The following TIPRL variants were observed in gnomAD, a reference collection of about 807,000 sequenced individuals.
TIPRL encodes the protein TIP41-like protein.
TIPRL carries 10 observed loss-of-function variants against 32.3 expected under a neutral mutation model. The observed-to-expected ratio is 0.31, with a 90% CI of 0.19 to 0.52. The LOEUF (loss-of-function observed/expected upper bound fraction) is 0.52. TIPRL is among the 20% of genes least tolerant of loss of function. TIPRL has a pLI of 0.96. For missense variants in TIPRL, 250 were observed against 328.1 expected (o/e 0.76, Z 1.84); for synonymous variants, 100 against 114.0 (o/e 0.88, Z 0.78).
chr1:168,183,758 A>G, intron 1 of TIPRL, 144 bp from the exon 2 acceptor site: 1 of 816,148 alleles, frequency 1.2e-6, no homozygotes, highest in Non-Finnish European at 1.9e-6. Flanking sequence ...AGCATTTTAT[A>G]GACCTTGCAA....
At chr1:168,192,124 A>G in intron 4 of TIPRL, 1 of 1,325,678 alleles carries the variant, frequency 7.5e-7, no homozygotes, top group Non-Finnish European at 9.8e-7. Flanking sequence ...TAGGATCTGC[A>G]GACGGCAAGG....
Position 168,183,395 on chromosome 1 carries a change from T to G in TIPRL, c.105-507T>G, listed in dbSNP as rs561073882. On this transcript the variant is annotated intron_variant, in intron 1 of 6. Coordinates refer to ENST00000367833, the MANE Select transcript of TIPRL (RefSeq NM_152902.5). ...TCCTGTGATTTTTTTTTTTTTTTGC[T>G]TGATTGTTGCCCCAGGGTGAAATGT... 6.6e-5 allele frequency among the ~76,000 whole-genome samples: 10 copies of G among 150,764 alleles called. No individual in the cohort carries two copies. In the South Asian group the frequency reaches 2.1e-3, roughly 31 times the overall value.
chr1:168,179,012 A>T lies in TIPRL; in HGVS notation c.-66A>T. The T allele has an allele frequency of 7.1e-7, 1 of 1,409,468 alleles. No individual in the cohort carries two copies. Among genetic ancestry groups the T allele is most frequent in the Admixed American group, 1.8e-5 (1 of 54,586 alleles). The allele number at this position is 1,409,468 out of a possible 1,614,324, so 87.3% of individuals were successfully genotyped here. A position where few individuals can be genotyped will look rare whatever the true frequency, so the allele number is the denominator to read the frequency against. On this transcript the variant is annotated 5_prime_UTR_variant, in exon 1 of 7. Coordinates refer to ENST00000367833, the MANE Select transcript of TIPRL (RefSeq NM_152902.5). ...GGCTGGGCCGGAGGGAGGCGGAGGAACCGGTGTTCGCCGCCGCCGCTGCTT... is the reference window on the plus strand; with the variant it reads ...GGCTGGGCCGGAGGGAGGCGGAGGATCCGGTGTTCGCCGCCGCCGCTGCTT...
At chr1:168,193,276 T>C (rs1700119923) in intron 4 of TIPRL, among the ~76,000 whole-genome samples, 1 of 152,206 alleles carries the variant, frequency 6.6e-6, no homozygotes, top group East Asian at 1.9e-4. Context: ...AGTGAATTTT[T>C]AGAGAATCAT....
chr1:168,191,160 A>G (rs1446533998), intron 3 of TIPRL, among the ~76,000 whole-genome samples: 1 of 152,200 alleles, frequency 6.6e-6, no homozygotes, highest in Admixed American at 6.5e-5. Flanking sequence ...TGAAGCTATA[A>G]TATTGGGCAT....
chr1:168,185,069 G>T (rs563522674), intron 3 of TIPRL, among the ~76,000 whole-genome samples, 191 bp downstream of exon 3: 5 of 152,346 alleles, frequency 3.3e-5, no homozygotes, highest in African/African-American at 1.2e-4. Context: ...GACGGCATTA[G>T]TGGAAAAATT....
At position 168,179,021 on chromosome 1, in the gene TIPRL, C is replaced by T. The variant is rs1456599880; in HGVS notation, c.-57C>T. 5.4e-6 allele frequency: 8 copies of T among 1,485,294 alleles called. No homozygotes were observed. Among genetic ancestry groups the T allele is most frequent in the Admixed American group, 1.8e-5 (1 of 56,096 alleles). The allele number at this position is 1,485,294 out of a possible 1,614,324, so 92.0% of individuals were successfully genotyped here. On this transcript the variant is annotated 5_prime_UTR_variant, in exon 1 of 7. Transcript: ENST00000367833. Reference sequence around the variant, plus strand: ...GGAGGGAGGCGGAGGAACCGGTGTTCGCCGCCGCCGCTGCTTCAGCTTATT... The same window carrying T: ...GGAGGGAGGCGGAGGAACCGGTGTTTGCCGCCGCCGCTGCTTCAGCTTATT...
At chr1:168,197,300 A>T (rs1270752545) in intron 5 of TIPRL, among the ~76,000 whole-genome samples, 1 of 148,216 alleles carries the variant, frequency 6.7e-6, no homozygotes. Context: ...AAAAAAAAAA[A>T]AGAAACATAC....
chr1:168,179,514 G>A (rs188628935), intron 1 of TIPRL, among the ~76,000 whole-genome samples: 109 of 152,254 alleles, frequency 7.2e-4, no homozygotes, highest in Non-Finnish European at 1.3e-3. Context: ...GTTTTCTTAG[G>A]GGTTAATGAC....
intron 3 of TIPRL, 45 bp downstream of exon 3, chr1:168,184,923 C>A: frequency 1.6e-6 from 2 of 1,242,774 alleles, no homozygotes; most frequent in Non-Finnish European, 2.3e-6. Flanking sequence ...TTGTCTTGGA[C>A]AGTCTGAGCA....
chr1:168,191,425 T>G lies in TIPRL; in HGVS notation c.441T>G (p.Ile147Met). The G allele has an allele frequency of 6.5e-7, 1 of 1,532,140 alleles. No individual in the cohort carries two copies. The highest frequency in any genetic ancestry group is 8.7e-7 in the Non-Finnish European group (1 of 1,149,986). 94.9% of individuals were successfully genotyped at this position (1,532,140 alleles called of 1,614,324 possible). The change falls in exon 4 of 7, where the codon ATT (isoleucine) becomes ATG (methionine). Residue 147 changes from isoleucine (I) to methionine (M), a missense_variant. Physicochemically the swap from Ile to Met is conservative, Grantham distance 10. Coordinates refer to ENST00000367833, the MANE Select transcript of TIPRL (RefSeq NM_152902.5). ...DTEKLKAREQ[I>M]KFFEEVLLFE... ...AAAAATTGAAAGCCAGAGAACAGAT[T>G]AAGTTTTTTGAAGAAGTTCTCCTTT...
intron 1 of TIPRL, 107 bp from the exon 2 acceptor site, chr1:168,183,795 C>A: frequency 8.9e-7 from 1 of 1,126,460 alleles, no homozygotes; most frequent in Non-Finnish European, 1.3e-6. Flanking sequence ...AAATCATGTG[C>A]TGTGTAACTC....
At chr1:168,196,496 A>C (rs1700154398) in intron 4 of TIPRL, 51 bp from the exon 5 acceptor site, 1 of 1,326,750 alleles carries the variant, frequency 7.5e-7, no homozygotes, top group Admixed American at 2.6e-5. Context: ...CAAAGTAATA[A>C]AATGTTTAAT....
Position 168,184,888 on chromosome 1 carries a change from A to C in TIPRL, c.384+10A>C. 1 of 1,556,174 alleles carries C rather than the reference A, an allele frequency of 6.4e-7. No homozygotes were observed. The highest frequency in any genetic ancestry group is 8.8e-7 in the Non-Finnish European group (1 of 1,131,206). On this transcript the variant is annotated intron_variant, in intron 3 of 6. Transcript: ENST00000367833. ...ATCTCTTAAGTTAAAGGTAAATCTT[A>C]CTTTTTTCTTTCATGAGTCATTGAT...
chr1:168,185,176 T>C (rs192476172), intron 3 of TIPRL, among the ~76,000 whole-genome samples: 128 of 152,328 alleles, frequency 8.4e-4, no homozygotes, highest in Non-Finnish European at 1.7e-3. Flanking sequence ...GCCTTGGTAA[T>C]GTATTACATG....
At chr1:168,193,608 A>G (rs983180856) in intron 4 of TIPRL, among the ~76,000 whole-genome samples, 2 of 152,156 alleles carry the variant, frequency 1.3e-5, no homozygotes, top group Non-Finnish European at 2.9e-5. Context: ...TATCATGTCT[A>G]TAAGTGGGTC....
chr1:168,181,274 G>A (rs1009505294), intron 1 of TIPRL, among the ~76,000 whole-genome samples: 1 of 150,760 alleles, frequency 6.6e-6, no homozygotes, highest in Non-Finnish European at 1.5e-5. Context: ...GTGCAATGGC[G>A]CCATCTCGGC....
At position 168,201,299 on chromosome 1, in the gene TIPRL, AT is replaced by A. The variant is rs1700205524; in HGVS notation, c.*1256del. The A allele has an allele frequency of 6.6e-6, 1 of 152,086 alleles. No homozygotes were observed. Among genetic ancestry groups the A allele is most frequent in the Non-Finnish European group, 1.5e-5 (1 of 67,988 alleles). 9.4% of individuals were successfully genotyped at this position (152,086 alleles called of 1,614,324 possible). On this transcript the variant is annotated 3_prime_UTR_variant, in exon 7 of 7. Transcript: ENST00000367833. ...TTTGAAATATGTTGTACATATTTCCATTTGATGGATAAATCATTAAGTAAGA... is the reference window on the plus strand; with the variant it reads ...TTTGAAATATGTTGTACATATTTCCATTGATGGATAAATCATTAAGTAAGA...
At chr1:168,197,598 C>T (rs1230323274) in intron 5 of TIPRL, among the ~76,000 whole-genome samples, 1 of 152,152 alleles carries the variant, frequency 6.6e-6, no homozygotes, top group Non-Finnish European at 1.5e-5. Flanking sequence ...TGGCTCACTG[C>T]AACCTCTGCT....
Sources: gnomAD v4.1 joint callset for allele counts (sites outside exome capture counted in the v4.1 genomes callset) on GRCh38, gnomAD v4.1.1 for gene constraint, MANE v1.5 for transcripts, NCBI Gene and HGNC (gene_info 2026-07-23, HGNC 2026-07-21) for gene names.